NRG3: variants seen among roughly 807,000 people sequenced by gnomAD.
NRG3 encodes the protein neuregulin 3.
In NRG3, 31 loss-of-function variants were observed where a neutral mutation model predicts 66.9. The ratio of observed to expected loss-of-function variants is 0.46; its 90% CI spans 0.35 to 0.63. The LOEUF is 0.63. Ranked by LOEUF, NRG3 falls within the 20% of genes least tolerant of loss-of-function variation. The pLI, the probability that NRG3 is intolerant of heterozygous loss-of-function variation, is 0.00. For synonymous variants in NRG3, 393 were observed against 359.4 expected (o/e 1.09, Z -1.06); for missense variants, 910 against 878.9 (o/e 1.04, Z -0.45).
intron 2 of NRG3, among the ~76,000 whole-genome samples, chr10:82,738,076 G>A (rs1177905758): frequency 2.4e-5 from 1 of 41,388 alleles, no homozygotes; most frequent in Non-Finnish European, 4.5e-5. Flanking sequence ...TAACTAAGAG[G>A]TTAAAAAAAA....
At chr10:82,317,273 C>T (rs1332102918) in intron 1 of NRG3, among the ~76,000 whole-genome samples, 6 of 151,138 alleles carry the variant, frequency 4.0e-5, no homozygotes, top group African/African-American at 1.5e-4. Context: ...TCTAGTTTGC[C>T]AAGCTAAAGA....
At chr10:82,761,924 CTTTCTT>C (rs2059327332) in intron 3 of NRG3, among the ~76,000 whole-genome samples, 4 of 68,224 alleles carry the variant, frequency 5.9e-5, no homozygotes, top group Non-Finnish European at 1.3e-4. Context: ...CTTTCTTTCT[CTTTCTT>C]TCTTTCTTTC....
At chr10:82,119,891 G>A (rs979344324) in intron 1 of NRG3, among the ~76,000 whole-genome samples, 1 of 152,050 alleles carries the variant, frequency 6.6e-6, no homozygotes, top group Non-Finnish European at 1.5e-5. Flanking sequence ...TCCTTGAATA[G>A]AAATGATATG....
intron 4 of NRG3, among the ~76,000 whole-genome samples, chr10:82,916,683 G>C (rs1845860279): frequency 6.6e-6 from 1 of 151,658 alleles, no homozygotes; most frequent in Non-Finnish European, 1.5e-5. Context: ...CTGGAGTGCA[G>C]TGGTGCAATC....
intron 2 of NRG3, among the ~76,000 whole-genome samples, chr10:82,611,737 A>G (rs2048330286): frequency 6.6e-6 from 1 of 152,192 alleles, no homozygotes; most frequent in South Asian, 2.1e-4. Context: ...ATACATGTGC[A>G]TGTGTCTTTA....
chr10:82,716,488 C>T (rs535314546), intron 2 of NRG3, among the ~76,000 whole-genome samples: 2 of 152,260 alleles, frequency 1.3e-5, no homozygotes, highest in South Asian at 2.1e-4. Context: ...TGAGACTCAG[C>T]GTGCACACAT....
chr10:82,234,224 G>A (rs997487074), intron 1 of NRG3, among the ~76,000 whole-genome samples: 4 of 151,826 alleles, frequency 2.6e-5, no homozygotes, highest in South Asian at 2.1e-4. Flanking sequence ...AACTCACTAC[G>A]CTCCAATACC....
intron 1 of NRG3, among the ~76,000 whole-genome samples, chr10:82,332,527 CG>C (rs1165901035): frequency 1.3e-5 from 2 of 152,030 alleles, no homozygotes; most frequent in Admixed American, 6.5e-5. Flanking sequence ...CATGATCAGC[CG>C]CTGACCCAAC....
intron 1 of NRG3, among the ~76,000 whole-genome samples, chr10:82,132,753 T>A (rs1165780300): frequency 2.0e-5 from 3 of 151,390 alleles, no homozygotes; most frequent in Non-Finnish European, 4.4e-5. Flanking sequence ...ATCTCATTAC[T>A]TGTTATTCGT....
intron 2 of NRG3, among the ~76,000 whole-genome samples, chr10:82,422,625 A>G (rs2089161935): frequency 6.8e-6 from 1 of 146,138 alleles, no homozygotes; most frequent in South Asian, 2.1e-4. Context: ...GGTAACATAC[A>G]ACATTGTTTT....
intron 1 of NRG3, among the ~76,000 whole-genome samples, chr10:82,334,585 T>C (rs2082296211): frequency 6.6e-6 from 1 of 152,214 alleles, no homozygotes; most frequent in Non-Finnish European, 1.5e-5. Flanking sequence ...AAATAGCACA[T>C]TCATTCATCT....
intron 2 of NRG3, among the ~76,000 whole-genome samples, chr10:82,667,396 G>A (rs967372159): frequency 3.9e-5 from 6 of 152,148 alleles, no homozygotes; most frequent in African/African-American, 1.2e-4. Context: ...AGGGCTTAGC[G>A]ATCTGATGTT....
chr10:82,281,778 A>G (rs1011374911), intron 1 of NRG3, among the ~76,000 whole-genome samples: 1 of 151,886 alleles, frequency 6.6e-6, no homozygotes. Flanking sequence ...CTATCATCTC[A>G]TATTCTCTGG....
chr10:82,321,713 A>T (rs75241419), intron 1 of NRG3, among the ~76,000 whole-genome samples: 2,679 of 152,342 alleles, frequency 0.018, 80 homozygotes, highest in African/African-American at 0.06. Context: ...CAAAGCATGT[A>T]TGCATAGCTC....
At chr10:82,953,916 C>T (rs895819936) in intron 5 of NRG3, among the ~76,000 whole-genome samples, 3 of 149,416 alleles carry the variant, frequency 2.0e-5, no homozygotes, top group East Asian at 2.0e-4. Context: ...CAAGATCGCA[C>T]GACTGCACTC....
rs1378053261 is a variant in NRG3 at position 81,876,147 on chromosome 10, C to T, written c.807C>T (p.Ser269=). The T allele has an allele frequency of 6.3e-7, 1 of 1,591,582 alleles. No homozygotes were observed. Among genetic ancestry groups the T allele is most frequent in the East Asian group, 2.3e-5 (1 of 43,790 alleles). ...SSATTTTPET[S]TSPKFHTTTY... ...CTACCACCACCACACCAGAAACTAG[C>T]ACCAGCCCCAAATTTCGTAAGTAAA... Residue 269 remains serine (S), a synonymous_variant, in exon 1 of 9, where the codon AGC becomes AGT. Coordinates refer to ENST00000372141, the MANE Select transcript of NRG3 (RefSeq NM_001010848.4).
At chr10:82,478,334 G>A (rs966858763) in intron 2 of NRG3, among the ~76,000 whole-genome samples, 1 of 47,884 alleles carries the variant, frequency 2.1e-5, no homozygotes, top group African/African-American at 5.1e-5. Flanking sequence ...GACAATAGTG[G>A]AGGGAAGGTC....
intron 2 of NRG3, among the ~76,000 whole-genome samples, chr10:82,678,751 G>T (rs984560678): frequency 1.3e-5 from 2 of 151,526 alleles, no homozygotes; most frequent in African/African-American, 2.4e-5. Flanking sequence ...GACATTACCA[G>T]AGTTTTTTTT....
At position 82,369,379 on chromosome 10, in the gene NRG3, G is replaced by C. The variant is rs931122939; in HGVS notation, c.953+10511G>C. On this transcript the variant is annotated intron_variant, in intron 2 of 8. Transcript: ENST00000372141. The stretch of plus-strand genomic sequence containing the variant: ...ACTGGTACAGTCATGGCTCACTGCA[G>C]CCTTGACCTCCTGGGCTCAAGTGAT... Among the ~76,000 whole-genome samples, 24 of 138,342 alleles carry C rather than the reference G, an allele frequency of 1.7e-4. 5 individuals carry two copies. Among genetic ancestry groups the C allele is most frequent in the Non-Finnish European group, 3.0e-4 (20 of 67,500 alleles). The allele number at this position is 138,342 out of a possible 152,430, so 90.8% of individuals were successfully genotyped here.
Sources: allele counts gnomAD v4.1 joint callset (sites outside exome capture counted in the v4.1 genomes callset), GRCh38; gene constraint gnomAD v4.1.1; transcripts MANE v1.5; gene names NCBI Gene and HGNC (gene_info 2026-07-23, HGNC 2026-07-21).